CLN6: variants seen among roughly 807,000 people sequenced by gnomAD.
The protein encoded by CLN6 is ceroid-lipofuscinosis neuronal protein 6.
Under a neutral mutation model 33.3 loss-of-function variants are expected in CLN6, and 22 were observed. That is an observed-to-expected ratio of 0.66 (90% CI 0.47 to 0.94). The LOEUF (loss-of-function observed/expected upper bound fraction) is 0.94, where lower values mean the gene tolerates loss of function less well. CLN6 is among the 40% of genes least tolerant of loss of function. The pLI is 0.00. For synonymous variants in CLN6, 201 were observed against 174.6 expected (o/e 1.15, Z -1.19); for missense variants, 387 against 417.1 (o/e 0.93, Z 0.63).
chr15:68,243,966 G>A (rs887649388), intron 1 of CLN6, among the ~76,000 whole-genome samples: 2 of 152,010 alleles, frequency 1.3e-5, no homozygotes, highest in Admixed American at 6.6e-5. Flanking sequence ...TCGGGAGGCT[G>A]AGGCAGGAGA....
intron 1 of CLN6, among the ~76,000 whole-genome samples, chr15:68,224,866 A>G (rs2093247622): frequency 6.6e-6 from 1 of 152,162 alleles, no homozygotes; most frequent in Non-Finnish European, 1.5e-5. Flanking sequence ...TGATGGCACA[A>G]TGGCAGATAA....
chr15:68,214,270 T>TG lies in CLN6; in HGVS notation c.297+19dup, dbSNP rs61224699. The TG allele has an allele frequency of 1.3e-6, 2 of 1,572,540 alleles. No homozygotes were observed. Among genetic ancestry groups the TG allele is most frequent in the African/African-American group, 2.7e-5 (2 of 73,820 alleles). On this transcript the variant is annotated intron_variant, in intron 3 of 6. Transcript: ENST00000249806. Reference sequence around the variant, plus strand: ...AAAGAATGGGGATGACAGGAGAGAGTGGGGGCCCTGGGACAGTACCTTGAG... The same window carrying TG: ...AAAGAATGGGGATGACAGGAGAGAGTGGGGGGCCCTGGGACAGTACCTTGAG...
At chr15:68,245,212 G>A (rs117068851) in intron 1 of CLN6, among the ~76,000 whole-genome samples, 5,346 of 150,774 alleles carry the variant, frequency 0.035, 106 homozygotes, top group Non-Finnish European at 0.056. Context: ...ATAAGTTATC[G>A]GTTTTTTTGT....
At position 68,211,497 on chromosome 15, in the gene CLN6, G is replaced by T; in HGVS notation, c.486+178C>A. The T allele has an allele frequency of 6.4e-7, 1 of 1,572,014 alleles. No individual in the cohort carries two copies. The highest frequency in any genetic ancestry group is 8.6e-7 in the Non-Finnish European group (1 of 1,160,100). ...GGGGCCCAGGTGGGAGGCAGTCTGTGCACCACTTCCTAAGAACACTTGAGC... is the reference window on the plus strand; with the variant it reads ...GGGGCCCAGGTGGGAGGCAGTCTGTTCACCACTTCCTAAGAACACTTGAGC... On this transcript the variant is annotated intron_variant, in intron 4 of 6. Transcript: ENST00000249806. The surrounding 1 kb of genome is among the most constrained non-coding windows in gnomAD (Gnocchi z 5.9).
At position 68,218,781 on chromosome 15, in the gene CLN6, T is replaced by C. The variant is rs1271394710; in HGVS notation, c.84-131A>G. On this transcript the variant is annotated intron_variant, in intron 1 of 6. Transcript: ENST00000249806. ...GACACACATAATTGAGTTCTATGGATAGGGTTTTGCTGGATATACTGGGGT... is the reference window on the plus strand; with the variant it reads ...GACACACATAATTGAGTTCTATGGACAGGGTTTTGCTGGATATACTGGGGT... 1.0e-5 allele frequency: 7 copies of C among 687,572 alleles called. No homozygotes were observed. In the East Asian group the frequency reaches 1.8e-4, roughly 18 times the overall value. The allele number at this position is 687,572 out of a possible 1,614,324, so 42.6% of individuals were successfully genotyped here.
chr15:68,232,386 T>TGACCTTGTGATCTGCC (rs2093269716), upstream of CLN6, among the ~76,000 whole-genome samples: 1 of 152,208 alleles, frequency 6.6e-6, no homozygotes, highest in Admixed American at 6.5e-5. This position sits in a 1 kb window ranked among gnomAD's most constrained non-coding sequence, Gnocchi z 4.7. Flanking sequence ...CTTGATCTAC[T>TGACCTTGTGATCTGCC]GACCTTGTGA....
At chr15:68,244,311 T>C (rs897725478) in intron 1 of CLN6, among the ~76,000 whole-genome samples, 8 of 151,262 alleles carry the variant, frequency 5.3e-5, no homozygotes, top group African/African-American at 2.0e-4. Flanking sequence ...AAAGCAGCAA[T>C]ATAAAATAAG....
In CLN6 at chr15:68,207,176, ACT is replaced by A. The variant is rs1334273881; in HGVS notation, c.*962_*963del. The A allele has an allele frequency of 2.6e-5, 4 of 152,142 alleles. No homozygotes were observed. The highest frequency in any genetic ancestry group is 2.6e-4 in the Admixed American group (4 of 15,280). 9.4% of individuals were successfully genotyped at this position (152,142 alleles called of 1,614,324 possible). ...TCCTCCTCCCTTGAAACCCTGGGCCACTCTGTCAAGGCAAAGCCTCTGGGCCC... is the reference window on the plus strand; with the variant it reads ...TCCTCCTCCCTTGAAACCCTGGGCCACTGTCAAGGCAAAGCCTCTGGGCCC... On this transcript the variant is annotated 3_prime_UTR_variant, in exon 7 of 7. Transcript: ENST00000249806.
chr15:68,207,415 G>A lies in CLN6; in HGVS notation c.*725C>T, dbSNP rs369225795. 7.2e-4 allele frequency: 111 copies of A among 153,204 alleles called. 2 individuals carry two copies. In the South Asian group the frequency reaches 0.022, roughly 30 times the overall value. 9.5% of individuals were successfully genotyped at this position (153,204 alleles called of 1,614,324 possible). On this transcript the variant is annotated 3_prime_UTR_variant, in exon 7 of 7. Transcript: ENST00000249806. ...AAGCTGGAATGCCAGGGGAGTGGGC[G>A]GTGCCTCCAGCTCCTGGGGGCCAGG... is the stretch of plus-strand genomic sequence containing the variant.
At chr15:68,213,957 C>T (rs1434686100) in intron 3 of CLN6, 2 of 324,928 alleles carry the variant, frequency 6.2e-6, no homozygotes, top group Non-Finnish European at 6.1e-6. Context: ...GTCACTTCTG[C>T]CTCAGCCTCC....
chr15:68,213,909 T>G (rs1257186975), intron 3 of CLN6: 6 of 240,822 alleles, frequency 2.5e-5, no homozygotes, highest in Admixed American at 5.0e-5. Context: ...CTTCTTCCTC[T>G]CTTCCCAGTG....
chr15:68,223,506 G>A (rs556061440), intron 1 of CLN6, among the ~76,000 whole-genome samples: 13 of 152,280 alleles, frequency 8.5e-5, no homozygotes, highest in South Asian at 4.1e-4. Flanking sequence ...CTTGGGTGGC[G>A]AAAGAGGTAA....
chr15:68,240,898 C>T (rs770779857), intron 1 of CLN6, among the ~76,000 whole-genome samples: 16 of 150,298 alleles, frequency 1.1e-4, no homozygotes, highest in Middle Eastern at 3.5e-3. Context: ...ACAGGAGAAT[C>T]GCTTGAACCC....
chr15:68,251,121 TG>T (rs1892374137), intron 1 of CLN6, among the ~76,000 whole-genome samples: 1 of 152,104 alleles, frequency 6.6e-6, no homozygotes, highest in South Asian at 2.1e-4. Context: ...AGTATAAGAA[TG>T]TAAATCATTC....
chr15:68,217,920 T>G (rs4550402), intron 2 of CLN6, among the ~76,000 whole-genome samples: 1 of 10,092 alleles, frequency 9.9e-5, no homozygotes, highest in African/African-American at 1.2e-4. Flanking sequence ...TACCTACCTA[T>G]CTATCTTCCA....
chr15:68,209,766 C>T lies in CLN6; in HGVS notation c.543-7G>A. The T allele has an allele frequency of 6.2e-7, 1 of 1,612,842 alleles. No individual in the cohort carries two copies. Among genetic ancestry groups the T allele is most frequent in the South Asian group, 1.1e-5 (1 of 90,984 alleles). On this transcript the variant is annotated splice_polypyrimidine_tract_variant and splice_region_variant and intron_variant, in intron 5 of 6. Transcript: ENST00000249806. The surrounding 1 kb of genome is among the most constrained non-coding windows in gnomAD (Gnocchi z 4.9). Reference sequence around the variant, plus strand: ...GAGGAAGAAGGGGATGTACCTGTGACAGGAAGGCCAGTGTCTTAGAGGCCT... The same window carrying T: ...GAGGAAGAAGGGGATGTACCTGTGATAGGAAGGCCAGTGTCTTAGAGGCCT...
At chr15:68,213,179 C>A (rs563405369) in intron 3 of CLN6, 77 of 152,132 alleles carry the variant, frequency 5.1e-4, no homozygotes, top group African/African-American at 1.8e-3. Flanking sequence ...GCCTTGGGCT[C>A]CCAGAGTGCT....
intron 2 of CLN6, 50 bp downstream of exon 2, chr15:68,218,486 C>T (rs747797745): frequency 2.2e-6 from 3 of 1,351,670 alleles, no homozygotes; most frequent in Admixed American, 3.4e-5. Context: ...TCAAGCCACA[C>T]TAAGTGTCCT....
In CLN6 at chr15:68,256,327, G is replaced by C. The variant is rs1269512426; in HGVS notation, c.179+363C>G. ...TTTCACTATGTTGGCCAGGCTGGTT[G>C]AGAACTCCTGACCTCAAGTGATCCG... On this transcript the variant is annotated intron_variant, in intron 1 of 6. Coordinates refer to the CLN6 transcript ENST00000538696. This position sits in a 1 kb window ranked among gnomAD's most constrained non-coding sequence, Gnocchi z 4.1. 9.2e-5 allele frequency among the ~76,000 whole-genome samples: 14 copies of C among 151,368 alleles called. No individual in the cohort carries two copies. Among genetic ancestry groups the C allele is most frequent in the Non-Finnish European group, 7.4e-5 (5 of 67,798 alleles).
Sources: gnomAD v4.1 joint callset for allele counts (sites outside exome capture counted in the v4.1 genomes callset) on GRCh38, gnomAD v4.1.1 for gene constraint, Gnocchi (gnomAD v3.1) non-coding constraint, MANE v1.5 for transcripts, NCBI Gene and HGNC (gene_info 2026-07-23, HGNC 2026-07-21) for gene names.